The following REV1 variants were observed in gnomAD, a reference collection of about 807,000 sequenced individuals.
REV1 encodes REV1 DNA directed polymerase.
A neutral mutation model predicts 137.4 loss-of-function variants in REV1; 42 were observed. The ratio of observed to expected loss-of-function variants is 0.31; its 90% CI spans 0.24 to 0.40. The LOEUF is 0.40. REV1 is among the 10% of genes least tolerant of loss of function. The pLI is 1.00. For synonymous variants in REV1, 524 were observed against 519.2 expected, an observed-to-expected ratio of 1.01 and a Z score of -0.12; for missense variants, 1,282 against 1,490.1, an observed-to-expected ratio of 0.86 and a Z score of 2.30.
intron 13 of REV1, among the ~76,000 whole-genome samples, chr2:99,411,996 G>A (rs937693781): frequency 1.3e-5 from 2 of 151,260 alleles, no homozygotes; most frequent in Non-Finnish European, 2.9e-5. Context: ...CACTTTAGGA[G>A]GCTGAGGCGG....
intron 10 of REV1, among the ~76,000 whole-genome samples, chr2:99,423,076 T>C (rs1481288119): frequency 3.3e-5 from 5 of 152,212 alleles, no homozygotes; most frequent in African/African-American, 1.2e-4. Flanking sequence ...AGAATAGCTA[T>C]AATAAGTGTC....
At chr2:99,489,402 C>A (rs917652054) in intron 1 of REV1, among the ~76,000 whole-genome samples, 9 of 152,020 alleles carry the variant, frequency 5.9e-5, no homozygotes, top group Non-Finnish European at 8.8e-5. Context: ...TGGCGCGGAA[C>A]TGAATGGCCG....
intron 1 of REV1, among the ~76,000 whole-genome samples, chr2:99,465,726 T>C (rs948730566): frequency 2.0e-5 from 3 of 152,238 alleles, no homozygotes; most frequent in African/African-American, 4.8e-5. Flanking sequence ...TATGACTACA[T>C]TTATTCTTAA....
Position 99,404,482 on chromosome 2 carries a change from C to A in REV1, c.3007G>T (p.Ala1003Ser), listed in dbSNP as rs3087401. 1.2e-6 allele frequency: 2 copies of A among 1,614,066 alleles called. No homozygotes were observed. Among genetic ancestry groups the A allele is most frequent in the East Asian group, 4.5e-5 (2 of 44,882 alleles). ...GGAAGGGCTATTAAATTTATTCCTGCGTCACTGTTCGATTCTTGAGGTTCT... is the reference window on the plus strand; with the variant it reads ...GGAAGGGCTATTAAATTTATTCCTGAGTCACTGTTCGATTCTTGAGGTTCT... ...IPEPQESNSD[A>S]GINLIALPAF... Residue 1003 changes from alanine to serine, a missense_variant, in exon 18 of 23, where the codon GCA (alanine) becomes TCA (serine). Physicochemically the swap from Ala to Ser is moderately conservative, Grantham distance 99. Around this residue, in one of 7 missense-constraint regions of REV1, gnomAD observed 135 missense variants for 123.3 expected, o/e 1.10. Transcript: ENST00000258428.
chr2:99,416,758 C>CA (rs1160642578), intron 12 of REV1, among the ~76,000 whole-genome samples: 1 of 151,394 alleles, frequency 6.6e-6, no homozygotes, highest in Admixed American at 6.6e-5. Context: ...ACTAAAAATA[C>CA]AAAAAATTAG....
At chr2:99,433,632 C>T (rs757504902) in intron 8 of REV1, among the ~76,000 whole-genome samples, 3 of 152,158 alleles carry the variant, frequency 2.0e-5, no homozygotes, top group Non-Finnish European at 4.4e-5. Context: ...CTTCTGACTA[C>T]TTTCTGGGTA....
chr2:99,478,242 T>C (rs1436446216), intron 1 of REV1, among the ~76,000 whole-genome samples: 3 of 152,184 alleles, frequency 2.0e-5, no homozygotes, highest in South Asian at 2.1e-4. Flanking sequence ...AAATAAAAAA[T>C]AGAAAGTACC....
At chr2:99,476,679 A>C (rs1015044579) in intron 1 of REV1, among the ~76,000 whole-genome samples, 22 of 152,202 alleles carry the variant, frequency 1.4e-4, no homozygotes, top group Admixed American at 1.2e-3. Flanking sequence ...GCCATGTATT[A>C]TCAACCTCCT....
chr2:99,485,715 A>C (rs913015405), intron 1 of REV1, among the ~76,000 whole-genome samples: 1 of 152,232 alleles, frequency 6.6e-6, no homozygotes, highest in African/African-American at 2.4e-5. Flanking sequence ...CACCATTCTC[A>C]ACAGTTTATT....
intron 1 of REV1, among the ~76,000 whole-genome samples, chr2:99,472,553 T>C (rs1332550451): frequency 2.0e-5 from 3 of 152,170 alleles, no homozygotes; most frequent in Admixed American, 6.5e-5. Context: ...GAAAAGAGTT[T>C]TTTAAAAAAG....
chr2:99,421,441 C>A (rs770796596), intron 11 of REV1, 58 bp downstream of exon 11: 532 of 1,488,442 alleles, frequency 3.6e-4, no homozygotes, highest in Non-Finnish European at 4.2e-4. Flanking sequence ...ATAAAATTAA[C>A]TGATATTCAA....
At chr2:99,453,952 A>G (rs182382211) in intron 3 of REV1, among the ~76,000 whole-genome samples, 1 of 150,110 alleles carries the variant, frequency 6.7e-6, no homozygotes, top group East Asian at 1.9e-4. Context: ...GGGAAATTCT[A>G]TCCTCCAAAT....
intron 6 of REV1, chr2:99,436,611 TACC>T (rs1680784820): frequency 6.6e-6 from 1 of 152,344 alleles, no homozygotes; most frequent in African/African-American, 2.4e-5. Flanking sequence ...GAATGACATA[TACC>T]ACATTTAAGG....
Position 99,418,952 on chromosome 2 carries a change from T to TA in REV1, c.1832-6dup, listed in dbSNP as rs746221037. ...TAGCCAGGAGAATATTAGAACCTAT[T>TA]AAAAAAAAAAGTCATCCAAGAAATA... On this transcript the variant is annotated splice_polypyrimidine_tract_variant and splice_region_variant and intron_variant, in intron 11 of 22. Coordinates refer to ENST00000258428, the MANE Select transcript of REV1 (RefSeq NM_016316.4). 3,662 of 1,435,414 alleles carry TA rather than the reference T, an allele frequency of 2.6e-3. No homozygotes were observed. Among genetic ancestry groups the TA allele is most frequent in the South Asian group, 4.5e-3 (342 of 76,440 alleles). 88.9% of individuals were successfully genotyped at this position (1,435,414 alleles called of 1,614,324 possible). A position where few individuals can be genotyped will look rare whatever the true frequency, so the allele number is the denominator to read the frequency against.
intron 14 of REV1, chr2:99,408,349 A>C: frequency 2.8e-6 from 1 of 362,084 alleles, no homozygotes; most frequent in Non-Finnish European, 4.9e-6. Flanking sequence ...GAACACTAGA[A>C]CTTTAAGGTA....
intron 3 of REV1, among the ~76,000 whole-genome samples, chr2:99,462,189 C>T (rs1279346565): frequency 6.6e-6 from 1 of 152,158 alleles, no homozygotes; most frequent in African/African-American, 2.4e-5. Flanking sequence ...AGAGATTTAC[C>T]AATGAAATGG....
intron 1 of REV1, among the ~76,000 whole-genome samples, chr2:99,472,278 T>A (rs1035661243): frequency 6.6e-6 from 1 of 152,176 alleles, no homozygotes; most frequent in Non-Finnish European, 1.5e-5. Flanking sequence ...CTTGAAGGCA[T>A]TATGGTAAGT....
At chr2:99,402,865 T>A (rs774374773) in intron 20 of REV1, 24 bp downstream of exon 20, 1 of 1,612,816 alleles carries the variant, frequency 6.2e-7, no homozygotes, top group South Asian at 1.1e-5. Context: ...TAAGATCTCA[T>A]AAAGGTCAAA....
chr2:99,488,063 T>C lies in REV1; in HGVS notation c.-11+1754A>G. Reference sequence around the variant, plus strand: ...CTTGTCCAGTCACCAGCTAACAATTTGTAGGGCCAGAAATCTAACCTCCAT... The same window carrying C: ...CTTGTCCAGTCACCAGCTAACAATTCGTAGGGCCAGAAATCTAACCTCCAT... On this transcript the variant is annotated intron_variant, in intron 1 of 22. Coordinates refer to ENST00000258428, the MANE Select transcript of REV1 (RefSeq NM_016316.4). Among the ~76,000 whole-genome samples the C allele has an allele frequency of 1.7e-5, 2 of 118,746 alleles. 1 individual carries two copies. The highest frequency in any genetic ancestry group is 3.7e-5 in the Non-Finnish European group (2 of 54,566). The allele number at this position is 118,746 out of a possible 152,430, so 77.9% of individuals were successfully genotyped here.
Sources: allele counts gnomAD v4.1 joint callset (sites outside exome capture counted in the v4.1 genomes callset), GRCh38; gene constraint gnomAD v4.1.1; regional missense constraint gnomAD v4.1.1; transcripts MANE v1.5; gene names NCBI Gene and HGNC (gene_info 2026-07-23, HGNC 2026-07-21).